SIAH3: variants seen among roughly 807,000 people sequenced by gnomAD.
The protein encoded by SIAH3 is siah E3 ubiquitin protein ligase family member 3.
Under a neutral mutation model 12.6 loss-of-function variants are expected in SIAH3, and 9 were observed. The ratio of observed to expected loss-of-function variants is 0.72; its 90% confidence interval spans 0.43 to 1.25. The LOEUF is 1.25. Ranked by LOEUF, SIAH3 falls within the 50% of genes most tolerant of loss-of-function variation. SIAH3 has a pLI of 0.00. For missense variants in SIAH3, 390 were observed against 365.4 expected (o/e 1.07, Z -0.55); for synonymous variants, 154 against 151.1 (o/e 1.02, Z -0.14).
chr13:45,843,034 C>CTCTCTGTGTGTGTGTGTGTG (rs560128772), intron 1 of SIAH3, among the ~76,000 whole-genome samples: 30 of 139,280 alleles, frequency 2.2e-4, no homozygotes, highest in African/African-American at 7.7e-4. Context: ...CTCTCTCTCT[C>CTCTCTGTGTGTGTGTGTGTG]TGTGTGTGTG....
chr13:45,801,938 C>T (rs773613006), intron 1 of SIAH3, among the ~76,000 whole-genome samples: 9 of 152,146 alleles, frequency 5.9e-5, no homozygotes, highest in Non-Finnish European at 1.0e-4. Flanking sequence ...ACATGGGTAG[C>T]AGGAAGGGAA....
intron 1 of SIAH3, among the ~76,000 whole-genome samples, chr13:45,848,714 ACACAAG>A (rs1950769021): frequency 2.6e-5 from 4 of 152,300 alleles, no homozygotes; most frequent in African/African-American, 7.2e-5. Context: ...ACAAGGAAAA[ACACAAG>A]CTTCCCAGCC....
intron 1 of SIAH3, among the ~76,000 whole-genome samples, chr13:45,814,285 C>A (rs909531102): frequency 6.7e-6 from 1 of 149,708 alleles, no homozygotes; most frequent in African/African-American, 2.5e-5. Flanking sequence ...ACTCATGCAT[C>A]TATTCAAGAA....
At chr13:45,840,611 C>G (rs1481524846) in intron 1 of SIAH3, among the ~76,000 whole-genome samples, 1 of 152,168 alleles carries the variant, frequency 6.6e-6, no homozygotes, top group Non-Finnish European at 1.5e-5. Flanking sequence ...CACAGGAACT[C>G]GATCCCACCA....
intron 1 of SIAH3, among the ~76,000 whole-genome samples, chr13:45,792,662 A>T (rs535332026): frequency 6.6e-6 from 1 of 152,128 alleles, no homozygotes; most frequent in East Asian, 1.9e-4. Context: ...CTGGCCATGA[A>T]GGTATAATTA....
Position 45,783,123 on chromosome 13 carries a change from C to T in SIAH3, c.*260G>A, listed in dbSNP as rs1298907727. On this transcript the variant is annotated 3_prime_UTR_variant, in exon 2 of 2. Coordinates refer to ENST00000400405, the MANE Select transcript of SIAH3 (RefSeq NM_198849.3). ...AACTATTCTGAATAAATCTTACAAA[C>T]ATTCTATAAAACAACACCAACAAGG... is the stretch of plus-strand genomic sequence containing the variant. 3 of 255,908 alleles carry T rather than the reference C, an allele frequency of 1.2e-5. No individual in the cohort carries two copies. Among genetic ancestry groups the T allele is most frequent in the Non-Finnish European group, 1.5e-5 (2 of 137,586 alleles). 15.9% of individuals were successfully genotyped at this position (255,908 alleles called of 1,614,324 possible). A position where few individuals can be genotyped will look rare whatever the true frequency, so the allele number is the denominator to read the frequency against.
intron 1 of SIAH3, among the ~76,000 whole-genome samples, chr13:45,822,622 A>G (rs1425368424): frequency 1.4e-5 from 2 of 144,082 alleles, no homozygotes; most frequent in Non-Finnish European, 3.0e-5. Flanking sequence ...ATTATAGGTG[A>G]TTTTATTTTC....
At chr13:45,814,518 C>A (rs907085064) in intron 1 of SIAH3, among the ~76,000 whole-genome samples, 2 of 152,058 alleles carry the variant, frequency 1.3e-5, no homozygotes, top group Admixed American at 1.3e-4. Flanking sequence ...CAAAGATGAA[C>A]AAACGGAGCA....
At position 45,783,269 on chromosome 13, in the gene SIAH3, T is replaced by TAA. The variant is rs1555256192; in HGVS notation, c.*113_*114insTT. The TAA allele has an allele frequency of 0.01, 6,500 of 646,356 alleles. 129 individuals carry two copies. Among genetic ancestry groups the TAA allele is most frequent in the African/African-American group, 0.067 (3,074 of 45,952 alleles). The allele number at this position is 646,356 out of a possible 1,614,324, so 40.0% of individuals were successfully genotyped here. ...ACAAAAAAATAATAATAATTAAAAA[T>TAA]TAAAAAAAAAAAAAAGAAAGGAGAA... is the stretch of plus-strand genomic sequence containing the variant. On this transcript the variant is annotated 3_prime_UTR_variant, in exon 2 of 2. Coordinates refer to ENST00000400405, the MANE Select transcript of SIAH3 (RefSeq NM_198849.3).
intron 1 of SIAH3, among the ~76,000 whole-genome samples, chr13:45,828,608 G>T (rs990866421): frequency 1.3e-5 from 2 of 152,192 alleles, no homozygotes; most frequent in Non-Finnish European, 2.9e-5. Context: ...CTCAATCCAG[G>T]CTGAGCTTCC....
intron 1 of SIAH3, among the ~76,000 whole-genome samples, chr13:45,823,903 G>A (rs1447124700): frequency 2.0e-5 from 3 of 152,172 alleles, no homozygotes; most frequent in South Asian, 2.1e-4. Context: ...TCTCTCCTCT[G>A]TAGTAACATT....
Position 45,804,534 on chromosome 13 carries a change from T to G in SIAH3, c.136-20477A>C, listed in dbSNP as rs77775569. 8.5e-3 allele frequency among the ~76,000 whole-genome samples: 1,289 copies of G among 152,212 alleles called. 20 individuals are homozygous for G. Among genetic ancestry groups the G allele is most frequent in the African/African-American group, 0.029 (1,219 of 41,534 alleles). ...ACTCCGTGAATATACTAAAATCAAT[T>G]GAATTATACACTTTAAAAGGTATGT... On this transcript the variant is annotated intron_variant, in intron 1 of 1. Transcript: ENST00000400405.
chr13:45,813,635 G>T (rs1950623829), intron 1 of SIAH3, among the ~76,000 whole-genome samples: 1 of 152,124 alleles, frequency 6.6e-6, no homozygotes. Flanking sequence ...AATTACTTTT[G>T]CACCAACCTA....
chr13:45,825,478 C>T (rs1404764027), intron 1 of SIAH3, among the ~76,000 whole-genome samples: 2 of 152,210 alleles, frequency 1.3e-5, no homozygotes, highest in Non-Finnish European at 2.9e-5. Flanking sequence ...GGAGCGCAGC[C>T]CCCAGCCCTG....
intron 1 of SIAH3, among the ~76,000 whole-genome samples, chr13:45,840,033 G>A (rs1950734655): frequency 6.6e-6 from 1 of 152,090 alleles, no homozygotes; most frequent in African/African-American, 2.4e-5. Context: ...CGAGGTGGGT[G>A]GATCCCCTGA....
intron 1 of SIAH3, among the ~76,000 whole-genome samples, chr13:45,793,899 C>T (rs1055029287): frequency 6.6e-6 from 1 of 152,174 alleles, no homozygotes; most frequent in Non-Finnish European, 1.5e-5. Flanking sequence ...TCCAGCTGGG[C>T]CCTAAATCCA....
intron 1 of SIAH3, among the ~76,000 whole-genome samples, chr13:45,812,539 C>T (rs1040752380): frequency 1.3e-5 from 2 of 152,158 alleles, no homozygotes; most frequent in Non-Finnish European, 2.9e-5. Context: ...TCAGGAACAG[C>T]AGGTGGCTAA....
At chr13:45,846,924 G>T (rs1020318251) in intron 1 of SIAH3, among the ~76,000 whole-genome samples, 1 of 152,198 alleles carries the variant, frequency 6.6e-6, no homozygotes, top group African/African-American at 2.4e-5. Flanking sequence ...CAGAAAAGCC[G>T]CACGAATGCT....
At chr13:45,790,214 A>C (rs1950541530) in intron 1 of SIAH3, among the ~76,000 whole-genome samples, 1 of 152,212 alleles carries the variant, frequency 6.6e-6, no homozygotes, top group Non-Finnish European at 1.5e-5. Flanking sequence ...TAGTACACAC[A>C]GAAGCCTTGA....
Sources: allele counts gnomAD v4.1 joint callset (sites outside exome capture counted in the v4.1 genomes callset), GRCh38; gene constraint gnomAD v4.1.1; transcripts MANE v1.5; gene names NCBI Gene and HGNC (gene_info 2026-07-23, HGNC 2026-07-21).